SUPT3H: variants seen among roughly 807,000 people sequenced by gnomAD.
SUPT3H encodes the protein transcription initiation protein SPT3 homolog.
In SUPT3H, 44 loss-of-function variants were observed where a neutral mutation model predicts 44.3. The observed-to-expected ratio is 0.99, with a 90% CI of 0.78 to 1.28. SUPT3H has a LOEUF of 1.28. Ranked by LOEUF, SUPT3H falls within the 50% of genes most tolerant of loss-of-function variation. The pLI, the probability that SUPT3H is intolerant of heterozygous loss-of-function variation, is 0.00. For synonymous variants in SUPT3H, 124 were observed against 125.6 expected (o/e 0.99, Z 0.09); for missense variants, 380 against 387.1 (o/e 0.98, Z 0.15).
At chr6:45,313,247 A>G (rs1784226740) in intron 2 of SUPT3H, among the ~76,000 whole-genome samples, 1 of 152,160 alleles carries the variant, frequency 6.6e-6, no homozygotes. Flanking sequence ...AACAAGAACA[A>G]ACCAAAACCA....
chr6:44,872,761 G>A (rs1280999231), intron 10 of SUPT3H, among the ~76,000 whole-genome samples: 35 of 49,322 alleles, frequency 7.1e-4, no homozygotes, highest in African/African-American at 1.9e-3. Context: ...CCCATCTCAC[G>A]TGCAGAGACA....
intron 2 of SUPT3H, among the ~76,000 whole-genome samples, chr6:45,130,912 T>A (rs1483932952): frequency 6.6e-6 from 1 of 151,534 alleles, no homozygotes; most frequent in Non-Finnish European, 1.5e-5. Context: ...AGACGGGGTT[T>A]CTGCATGTTG....
intron 2 of SUPT3H, among the ~76,000 whole-genome samples, chr6:45,189,480 TC>T (rs1814793260): frequency 6.6e-6 from 1 of 152,134 alleles, no homozygotes; most frequent in Non-Finnish European, 1.5e-5. Flanking sequence ...AAACCAACCC[TC>T]AAGGAAGTTC....
At chr6:45,035,930 TGAA>T (rs1350345152) in intron 3 of SUPT3H, among the ~76,000 whole-genome samples, 1 of 151,978 alleles carries the variant, frequency 6.6e-6, no homozygotes, top group Non-Finnish European at 1.5e-5. Context: ...AAAAAACTAT[TGAA>T]GAATCAATTC....
chr6:44,902,943 T>C (rs1040604187), intron 10 of SUPT3H, among the ~76,000 whole-genome samples: 4 of 152,026 alleles, frequency 2.6e-5, no homozygotes, highest in Admixed American at 1.3e-4. Flanking sequence ...GGGTACATCA[T>C]GAAATGAAGG....
intron 2 of SUPT3H, among the ~76,000 whole-genome samples, chr6:45,136,806 C>T (rs1438081260): frequency 2.0e-5 from 3 of 151,944 alleles, no homozygotes; most frequent in Admixed American, 6.6e-5. Context: ...GTGTTCTGGA[C>T]ACACAAGTGT....
chr6:44,858,228 G>A (rs78755439), intron 10 of SUPT3H, among the ~76,000 whole-genome samples: 6,215 of 152,278 alleles, frequency 0.041, 174 homozygotes, highest in Non-Finnish European at 0.064. Flanking sequence ...CAGGCAGCTT[G>A]CCAAATAGTC....
At chr6:45,072,085 T>G (rs918592057) in intron 3 of SUPT3H, among the ~76,000 whole-genome samples, 1 of 152,176 alleles carries the variant, frequency 6.6e-6, no homozygotes, top group Non-Finnish European at 1.5e-5. Context: ...ATTTAATGAT[T>G]ACAACAATGC....
At chr6:45,375,307 G>A (rs1009623422) in intron 1 of SUPT3H, among the ~76,000 whole-genome samples, 3 of 152,180 alleles carry the variant, frequency 2.0e-5, no homozygotes, top group African/African-American at 7.2e-5. Context: ...ACATTATGAT[G>A]TGGTCCCAAT....
At chr6:45,132,929 A>T (rs561559629) in intron 2 of SUPT3H, among the ~76,000 whole-genome samples, 1 of 152,266 alleles carries the variant, frequency 6.6e-6, no homozygotes, top group East Asian at 1.9e-4. Context: ...AACAGGACAA[A>T]AGTAGTAAGT....
intron 9 of SUPT3H, among the ~76,000 whole-genome samples, chr6:44,936,041 T>C (rs1771352720): frequency 1.3e-5 from 2 of 152,212 alleles, no homozygotes; most frequent in African/African-American, 4.8e-5. Context: ...ATGTAAAATC[T>C]TAAGTCTTAC....
At position 44,840,585 on chromosome 6, in the gene SUPT3H, C is replaced by T. The variant is rs542351975; in HGVS notation, c.913-10728G>A. Reference sequence around the variant, plus strand: ...GAAACTCCTACTCGGGTGTGAACATCCTACTTCTAGTGGGATTTTGTTTGG... The same window carrying T: ...GAAACTCCTACTCGGGTGTGAACATTCTACTTCTAGTGGGATTTTGTTTGG... On this transcript the variant is annotated intron_variant, in intron 10 of 10. Coordinates refer to ENST00000371459, the MANE Select transcript of SUPT3H (RefSeq NM_003599.4). Among the ~76,000 whole-genome samples, 7 of 152,298 alleles carry T rather than the reference C, an allele frequency of 4.6e-5. No homozygotes were observed. In the South Asian group the frequency reaches 1.5e-3, roughly 32 times the overall value.
At chr6:45,014,402 C>T (rs1284802924) in intron 5 of SUPT3H, among the ~76,000 whole-genome samples, 5 of 152,080 alleles carry the variant, frequency 3.3e-5, no homozygotes, top group Non-Finnish European at 7.4e-5. Context: ...CTCCTAAGCA[C>T]TCCACGTGTT....
intron 3 of SUPT3H, among the ~76,000 whole-genome samples, chr6:45,060,236 G>A (rs1036668585): frequency 1.3e-5 from 2 of 151,994 alleles, no homozygotes; most frequent in South Asian, 2.1e-4. Flanking sequence ...CAAGGTACTG[G>A]CACAAAAACA....
intron 3 of SUPT3H, among the ~76,000 whole-genome samples, chr6:45,085,640 C>T (rs1796383661): frequency 6.7e-6 from 1 of 148,360 alleles, no homozygotes; most frequent in Non-Finnish European, 1.5e-5. Context: ...AAGTATTTAA[C>T]ACTGTAATCA....
intron 3 of SUPT3H, among the ~76,000 whole-genome samples, chr6:45,042,204 T>A (rs1034823275): frequency 6.6e-6 from 1 of 152,044 alleles, no homozygotes; most frequent in Non-Finnish European, 1.5e-5. Context: ...AGGCTGATCA[T>A]CTGAGGTCAG....
chr6:44,863,363 G>A (rs754624673), intron 10 of SUPT3H, among the ~76,000 whole-genome samples: 6 of 152,222 alleles, frequency 3.9e-5, no homozygotes, highest in African/African-American at 7.2e-5. Context: ...ATGGGGAAAA[G>A]ATATCCTGGG....
chr6:45,262,249 A>G (rs1774489292), intron 2 of SUPT3H, among the ~76,000 whole-genome samples: 1 of 152,000 alleles, frequency 6.6e-6, no homozygotes, highest in African/African-American at 2.4e-5. Context: ...GAACCAAAAA[A>G]GAGCCTAGAC....
chr6:44,944,761 C>CAAAAAA (rs1773030975), intron 9 of SUPT3H, among the ~76,000 whole-genome samples: 1 of 1,112 alleles, frequency 9.0e-4, no homozygotes, highest in Non-Finnish European at 3.9e-3. Context: ...GACCCTCTCT[C>CAAAAAA]CAAAAAAAAA....
Sources: allele counts gnomAD v4.1 joint callset (sites outside exome capture counted in the v4.1 genomes callset), GRCh38; gene constraint gnomAD v4.1.1; transcripts MANE v1.5; gene names NCBI Gene and HGNC (gene_info 2026-07-23, HGNC 2026-07-21).